The following MET variants were observed in gnomAD, a reference collection of about 807,000 sequenced individuals.
MET encodes the protein hepatocyte growth factor receptor.
A neutral mutation model predicts 133.1 loss-of-function variants in MET; 48 were observed. The observed-to-expected ratio is 0.36, with a 90% CI of 0.29 to 0.46. MET has a LOEUF of 0.46. MET is among the 20% of genes least tolerant of loss of function. The probability of loss-of-function intolerance (pLI) is 1.00; values close to 1 mark genes in which losing one functional copy is unlikely to be tolerated. For synonymous variants in MET, 628 were observed against 616.5 expected, an observed-to-expected ratio of 1.02 and a Z score of -0.28; for missense variants, 1,442 against 1,695.9, an observed-to-expected ratio of 0.85 and a Z score of 2.63.
chr7:116,681,702 A>G (rs1220736985), intron 1 of MET, among the ~76,000 whole-genome samples: 1 of 152,166 alleles, frequency 6.6e-6, no homozygotes. Context: ...TTCTGCCCTC[A>G]CTTCAGGCAG....
intron 1 of MET, among the ~76,000 whole-genome samples, chr7:116,696,893 C>T (rs39749): frequency 0.33 from 49,777 of 152,124 alleles, 9,749 homozygotes; most frequent in East Asian, 0.45. Flanking sequence ...CTGATCATGC[C>T]GCTTTCCCAG....
intron 1 of MET, among the ~76,000 whole-genome samples, chr7:116,688,459 A>G (rs1034885462): frequency 3.3e-5 from 5 of 152,240 alleles, no homozygotes; most frequent in African/African-American, 7.2e-5. Flanking sequence ...CAACCTTCAC[A>G]CTTTCAAGGG....
intron 2 of MET, among the ~76,000 whole-genome samples, chr7:116,702,935 CTGA>C (rs200400404): frequency 0.015 from 2,299 of 152,256 alleles, 35 homozygotes; most frequent in Admixed American, 0.042. Flanking sequence ...TGTACCAGGC[CTGA>C]CTTGCTTGTT....
intron 17 of MET, among the ~76,000 whole-genome samples, chr7:116,781,623 A>G (rs1359736726): frequency 6.6e-6 from 1 of 152,192 alleles, no homozygotes; most frequent in African/African-American, 2.4e-5. Flanking sequence ...GCTGGAGTGC[A>G]GTGGCACAGT....
intron 2 of MET, among the ~76,000 whole-genome samples, chr7:116,727,243 C>T (rs1294343125): frequency 6.6e-6 from 1 of 152,070 alleles, no homozygotes; most frequent in Non-Finnish European, 1.5e-5. Context: ...GAACGTTGCC[C>T]AGAATAGTAA....
At chr7:116,750,279 G>C (rs1024112887) in intron 5 of MET, among the ~76,000 whole-genome samples, 1 of 151,942 alleles carries the variant, frequency 6.6e-6, no homozygotes, top group Non-Finnish European at 1.5e-5. Context: ...ATAACACCAC[G>C]CATTTACAAC....
intron 1 of MET, among the ~76,000 whole-genome samples, chr7:116,683,804 G>A (rs1033439242): frequency 1.9e-4 from 29 of 152,140 alleles, no homozygotes; most frequent in African/African-American, 7.0e-4. Context: ...GTTCTCCTTA[G>A]CTTATCTCTC....
At chr7:116,737,255 G>A (rs1157330646) in intron 3 of MET, among the ~76,000 whole-genome samples, 5 of 152,178 alleles carry the variant, frequency 3.3e-5, no homozygotes, top group Admixed American at 6.5e-5. Flanking sequence ...AGAGCTTGGC[G>A]GAGTGTGCTA....
chr7:116,745,733 A>G (rs1793647787), intron 5 of MET, among the ~76,000 whole-genome samples: 1 of 152,224 alleles, frequency 6.6e-6, no homozygotes, highest in South Asian at 2.1e-4. Flanking sequence ...CCATATGGAG[A>G]AAGCTGAAAC....
At chr7:116,757,605 A>C in intron 7 of MET, 33 bp from the exon 8 acceptor site, 3 of 1,613,776 alleles carry the variant, frequency 1.9e-6, no homozygotes, top group Non-Finnish European at 2.5e-6. Context: ...AAGATGAACA[A>C]GTTACTTTGT....
At chr7:116,762,638 C>A (rs947784095) in intron 10 of MET, among the ~76,000 whole-genome samples, 2 of 152,146 alleles carry the variant, frequency 1.3e-5, no homozygotes, top group Non-Finnish European at 2.9e-5. Context: ...GTGGGCCCTA[C>A]CTTAGTTCCC....
chr7:116,716,215 T>TTA (rs1287467579), intron 2 of MET, among the ~76,000 whole-genome samples: 1 of 147,612 alleles, frequency 6.8e-6, no homozygotes. Flanking sequence ...ATTGTGCCAC[T>TTA]GCACTGCCGC....
chr7:116,777,505 T>C lies in MET; in HGVS notation c.3340+36T>C, dbSNP rs762596260. On this transcript the variant is annotated intron_variant, in intron 16 of 20. Coordinates refer to ENST00000397752, the MANE Select transcript of MET (RefSeq NM_000245.4). Reference sequence around the variant, plus strand: ...TTTTATTTAACCATGGAGTATACTTTTGTGGTTTGCAACCTAATAAATAGC... The same window carrying C: ...TTTTATTTAACCATGGAGTATACTTCTGTGGTTTGCAACCTAATAAATAGC... 5.0e-6 allele frequency: 8 copies of C among 1,592,940 alleles called. No individual in the cohort carries two copies. In the South Asian group the frequency reaches 8.8e-5, roughly 18 times the overall value.
intron 1 of MET, among the ~76,000 whole-genome samples, chr7:116,696,606 C>G (rs933965608): frequency 6.6e-6 from 1 of 152,196 alleles, no homozygotes; most frequent in African/African-American, 2.4e-5. Flanking sequence ...TGACCTTAAC[C>G]TTCCTTGACT....
At chr7:116,710,624 A>G (rs1321272696) in intron 2 of MET, among the ~76,000 whole-genome samples, 1 of 152,046 alleles carries the variant, frequency 6.6e-6, no homozygotes, top group African/African-American at 2.4e-5. Flanking sequence ...GGAGTTCACT[A>G]TTTGCGGCAC....
rs886061940 is a variant in MET at position 116,672,435 on chromosome 7, T to G, written c.-157T>G. 14 of 394,470 alleles carry G rather than the reference T, an allele frequency of 3.5e-5. No homozygotes were observed. The East Asian group carries it at 5.0e-4, about 14-fold the overall frequency. 24.4% of individuals were successfully genotyped at this position (394,470 alleles called of 1,614,324 possible). ...CGCCGCCCGCGGCGCCCCGAGCGCTTTGTGAGCAGATGCGGAGCCGAGTGG... is the reference window on the plus strand; with the variant it reads ...CGCCGCCCGCGGCGCCCCGAGCGCTGTGTGAGCAGATGCGGAGCCGAGTGG... On this transcript the variant is annotated 5_prime_UTR_variant, in exon 1 of 21. Transcript: ENST00000397752.
chr7:116,759,640 A>G (rs1794319796), intron 10 of MET, 150 bp downstream of exon 10: 3 of 873,342 alleles, frequency 3.4e-6, no homozygotes, highest in East Asian at 2.7e-5. Context: ...TTTTTATTTA[A>G]TAACTGAAAT....
intron 1 of MET, among the ~76,000 whole-genome samples, chr7:116,688,238 T>C (rs1312593517): frequency 6.6e-6 from 1 of 152,200 alleles, no homozygotes; most frequent in African/African-American, 2.4e-5. Flanking sequence ...CTCTTTTTTT[T>C]TTTAATATAT....
intron 11 of MET, among the ~76,000 whole-genome samples, chr7:116,766,111 C>T (rs1361066921): frequency 6.6e-6 from 1 of 152,128 alleles, no homozygotes. Flanking sequence ...AAAATTTATT[C>T]TGTTTAAAGA....
Sources: allele counts gnomAD v4.1 joint callset (sites outside exome capture counted in the v4.1 genomes callset), GRCh38; gene constraint gnomAD v4.1.1; transcripts MANE v1.5; gene names NCBI Gene and HGNC (gene_info 2026-07-23, HGNC 2026-07-21).